Variants in NXN observed in about 807,000 individuals in gnomAD.
NXN encodes nucleoredoxin.
A neutral mutation model predicts 48.6 loss-of-function variants in NXN; 16 were observed. The ratio of observed to expected loss-of-function variants is 0.33; its 90% CI spans 0.22 to 0.50. The LOEUF is 0.50. Among genes scored for constraint, NXN ranks in the 20% least tolerant of loss-of-function variants. The probability of loss-of-function intolerance (pLI) is 0.98; values close to 1 mark genes in which losing one functional copy is unlikely to be tolerated. For missense variants in NXN, 492 were observed against 605.5 expected, an observed-to-expected ratio of 0.81 and a Z score of 1.97; for synonymous variants, 281 against 269.6, an observed-to-expected ratio of 1.04 and a Z score of -0.41.
intron 1 of NXN, among the ~76,000 whole-genome samples, chr17:951,432 C>T (rs2069109432): frequency 6.6e-6 from 1 of 151,916 alleles, no homozygotes; most frequent in African/African-American, 2.4e-5. Context: ...GCAACGATCG[C>T]ACGAGGGACC....
chr17:948,560 G>A (rs1293301484), intron 1 of NXN, among the ~76,000 whole-genome samples: 3 of 151,972 alleles, frequency 2.0e-5, no homozygotes, highest in Non-Finnish European at 4.4e-5. Context: ...GGGACCTAGC[G>A]GTGAACAAGC....
Position 839,797 on chromosome 17 carries a change from T to TAAAAAAA in NXN, c.361-13726_361-13720dup, listed in dbSNP as rs553678056. ...CAGCCTGGCGACAGAGAGACCTTGTTAAAAAAAAAAAAAAAAAGGCCAGGC... is the reference window on the plus strand; with the variant it reads ...CAGCCTGGCGACAGAGAGACCTTGTTAAAAAAAAAAAAAAAAAAAAAAAAGGCCAGGC... On this transcript the variant is annotated intron_variant, in intron 1 of 7. Coordinates refer to ENST00000336868, the MANE Select transcript of NXN (RefSeq NM_022463.5). 4.4e-3 allele frequency among the ~76,000 whole-genome samples: 251 copies of TAAAAAAA among 57,230 alleles called. 20 individuals are homozygous for TAAAAAAA. The highest frequency in any genetic ancestry group is 0.017 in the African/African-American group (194 of 11,146). The allele number at this position is 57,230 out of a possible 152,430, so 37.5% of individuals were successfully genotyped here.
At chr17:861,925 G>C (rs1351903156) in intron 1 of NXN, among the ~76,000 whole-genome samples, 4 of 151,956 alleles carry the variant, frequency 2.6e-5, no homozygotes. Flanking sequence ...TGTCTCCTGG[G>C]CTCAAGCAAT....
chr17:903,179 T>TC (rs1306385933), intron 1 of NXN, among the ~76,000 whole-genome samples: 1 of 152,148 alleles, frequency 6.6e-6, no homozygotes, highest in Non-Finnish European at 1.5e-5. Context: ...CGTGCTCACC[T>TC]CTTCAATTCT....
intron 5 of NXN, among the ~76,000 whole-genome samples, chr17:814,089 T>C (rs375154522): frequency 5.3e-5 from 8 of 151,854 alleles, no homozygotes; most frequent in East Asian, 1.9e-4. Context: ...GGTGAAACCC[T>C]GTCTCTACTA....
chr17:975,311 C>G (rs1196349372), intron 1 of NXN, among the ~76,000 whole-genome samples: 2 of 152,328 alleles, frequency 1.3e-5, no homozygotes, highest in Non-Finnish European at 2.9e-5. Context: ...AGAAAAGATA[C>G]AGTGGTGTCA....
intron 7 of NXN, among the ~76,000 whole-genome samples, chr17:802,218 C>G (rs1041323621): frequency 1.3e-5 from 2 of 152,016 alleles, no homozygotes; most frequent in African/African-American, 4.8e-5. Context: ...ACCTCCTGGG[C>G]TCAAGCAATC....
intron 1 of NXN, among the ~76,000 whole-genome samples, chr17:968,967 A>C (rs1057221234): frequency 2.6e-5 from 4 of 152,012 alleles, no homozygotes; most frequent in African/African-American, 9.7e-5. Context: ...GAAAAAGAAA[A>C]GAAAAGAAAG....
chr17:834,572 G>C (rs1913683428), intron 1 of NXN, among the ~76,000 whole-genome samples: 1 of 152,064 alleles, frequency 6.6e-6, no homozygotes, highest in African/African-American at 2.4e-5. Context: ...CAACCACCAT[G>C]CCTGGCTAAT....
intron 1 of NXN, among the ~76,000 whole-genome samples, chr17:828,698 G>A (rs58173001): frequency 0.014 from 2,125 of 152,174 alleles, 53 homozygotes; most frequent in African/African-American, 0.049. Flanking sequence ...CACCGCACCC[G>A]GCCCCAGTTT....
intron 1 of NXN, among the ~76,000 whole-genome samples, chr17:846,866 G>GT (rs1362293930): frequency 4.6e-5 from 7 of 150,580 alleles, no homozygotes; most frequent in Admixed American, 6.6e-5. Flanking sequence ...GAGAAAAATG[G>GT]TGGGGGTGGA....
In NXN at chr17:805,292, G is replaced by A. The variant is rs1911431474; in HGVS notation, c.821-45C>T. On this transcript the variant is annotated intron_variant, in intron 5 of 7. Transcript: ENST00000336868. The stretch of plus-strand genomic sequence containing the variant: ...CTTGGCCGCTGGCCCGGGAGATGCT[G>A]GCCCTGCCTGGCAGGAGGCTCGCGG... 5 of 1,557,574 alleles carry A rather than the reference G, an allele frequency of 3.2e-6. No individual in the cohort carries two copies. In the South Asian group the frequency reaches 6.0e-5, roughly 19 times the overall value.
In NXN at chr17:920,757, C is replaced by A. The variant is rs1038027530; in HGVS notation, c.360+58562G>T. ...TTTTCCTTTGAAACAGAGTCTCGCC[C>A]TGTTGCCCAGGCTGGAGTGCAGTGG... is the stretch of plus-strand genomic sequence containing the variant. On this transcript the variant is annotated intron_variant, in intron 1 of 7. Transcript: ENST00000336868. The surrounding 1 kb of genome is among the most constrained non-coding windows in gnomAD (Gnocchi z 4.6). 5.9e-5 allele frequency among the ~76,000 whole-genome samples: 9 copies of A among 151,324 alleles called. No homozygotes were observed. Among genetic ancestry groups the A allele is most frequent in the Non-Finnish European group, 1.3e-4 (9 of 67,884 alleles).
chr17:803,948 C>A, intron 6 of NXN, 142 bp from the exon 7 acceptor site: 1 of 1,055,448 alleles, frequency 9.5e-7, no homozygotes, highest in East Asian at 2.5e-5. Context: ...CCCTTGGATG[C>A]AGGTCTTGCT....
intron 1 of NXN, among the ~76,000 whole-genome samples, chr17:964,792 CATCT>C (rs1567522929): frequency 6.6e-6 from 1 of 152,222 alleles, no homozygotes; most frequent in Admixed American, 6.5e-5. Flanking sequence ...TTAAGAAAAA[CATCT>C]ATCAGCACAA....
intron 1 of NXN, among the ~76,000 whole-genome samples, chr17:934,777 G>C (rs2068891215): frequency 6.6e-6 from 1 of 151,922 alleles, no homozygotes; most frequent in African/African-American, 2.4e-5. Context: ...GGGAGGCTGA[G>C]GCAGGAGAAT....
At chr17:951,037 A>G (rs1328891594) in intron 1 of NXN, among the ~76,000 whole-genome samples, 2 of 152,026 alleles carry the variant, frequency 1.3e-5, no homozygotes, top group African/African-American at 4.8e-5. Flanking sequence ...AGTACTCCGC[A>G]TTATAAAAAG....
At position 932,764 on chromosome 17, in the gene NXN, T is replaced by C. The variant is rs2068867961; in HGVS notation, c.360+46555A>G. On this transcript the variant is annotated intron_variant, in intron 1 of 7. Coordinates refer to ENST00000336868, the MANE Select transcript of NXN (RefSeq NM_022463.5). The surrounding 1 kb of genome is among the most constrained non-coding windows in gnomAD (Gnocchi z 4.1). ...AGCTGAGTGGGTGGGGAGTGCCTTG[T>C]TGTGGCCGGCTTCGCATAAGTCATC... Among the ~76,000 whole-genome samples the C allele has an allele frequency of 3.3e-5, 5 of 152,300 alleles. 1 individual carries two copies. The South Asian group carries it at 1.0e-3, about 32-fold the overall frequency.
intron 1 of NXN, among the ~76,000 whole-genome samples, chr17:928,229 G>A (rs923319370): frequency 6.6e-6 from 1 of 152,182 alleles, no homozygotes; most frequent in African/African-American, 2.4e-5. Context: ...CTCAGCCACA[G>A]CACCACCTCT....
Sources: gnomAD v4.1 joint callset for allele counts (sites outside exome capture counted in the v4.1 genomes callset) on GRCh38, gnomAD v4.1.1 for gene constraint, Gnocchi (gnomAD v3.1) non-coding constraint, MANE v1.5 for transcripts, NCBI Gene and HGNC (gene_info 2026-07-23, HGNC 2026-07-21) for gene names.